ZNF486: variants seen among roughly 807,000 people sequenced by gnomAD.
ZNF486 encodes zinc finger protein 486.
ZNF486 carries 12 observed loss-of-function variants against 12.8 expected under a neutral mutation model. That is an observed-to-expected ratio of 0.94 (90% CI 0.60 to 1.52). The LOEUF (loss-of-function observed/expected upper bound fraction) is 1.52, where lower values mean the gene tolerates loss of function less well. Ranked by LOEUF, ZNF486 falls within the 40% of genes most tolerant of loss-of-function variation. The probability of loss-of-function intolerance (pLI) is 0.00; values close to 1 mark genes in which losing one functional copy is unlikely to be tolerated. For synonymous variants in ZNF486, 231 were observed against 184.9 expected, an observed-to-expected ratio of 1.25 and a Z score of -2.02; for missense variants, 738 against 545.0, an observed-to-expected ratio of 1.35 and a Z score of -3.53.
At chr19:20,189,378 G>A (rs372235808) in intron 3 of ZNF486, among the ~76,000 whole-genome samples, 8 of 152,082 alleles carry the variant, frequency 5.3e-5, no homozygotes, top group East Asian at 1.9e-4. Context: ...CCTGTGTTAC[G>A]TATTTTGTAA....
chr19:20,181,024 T>A (rs1290991230), intron 1 of ZNF486, among the ~76,000 whole-genome samples: 2 of 152,160 alleles, frequency 1.3e-5, no homozygotes, highest in African/African-American at 4.8e-5. Context: ...GAAACAAAAC[T>A]GGAAGTACCC....
intron 1 of ZNF486, among the ~76,000 whole-genome samples, chr19:20,170,057 A>T (rs1187327470): frequency 6.6e-6 from 1 of 150,900 alleles, no homozygotes; most frequent in Non-Finnish European, 1.5e-5. Context: ...CGCCCGGCTA[A>T]TTTTTTTGTA....
Position 20,167,682 on chromosome 19 carries a change from G to A in ZNF486, c.30+322G>A, listed in dbSNP as rs140873457. 8.2e-4 allele frequency among the ~76,000 whole-genome samples: 125 copies of A among 152,248 alleles called. 1 individual carries two copies. In the Middle Eastern group the frequency reaches 0.014, roughly 17 times the overall value. On this transcript the variant is annotated intron_variant, in intron 1 of 3. Transcript: ENST00000335117. ...GGTCATCAGGGGAGAATCTTGACTC[G>A]GGGTGCGGGTTCACGATTCGGAAGA...
chr19:20,191,463 A>C (rs1307988193), intron 3 of ZNF486, among the ~76,000 whole-genome samples: 2 of 98,814 alleles, frequency 2.0e-5, no homozygotes, highest in African/African-American at 6.6e-5. Context: ...AGATTCCTTC[A>C]AAAAAAAAAA....
intron 1 of ZNF486, among the ~76,000 whole-genome samples, chr19:20,168,605 G>T (rs2089611091): frequency 6.6e-6 from 1 of 151,176 alleles, no homozygotes; most frequent in Non-Finnish European, 1.5e-5. Context: ...GGTGAGCCGA[G>T]ATCGTGCCAT....
At chr19:20,195,496 T>C (rs2089949561) in intron 3 of ZNF486, among the ~76,000 whole-genome samples, 1 of 152,228 alleles carries the variant, frequency 6.6e-6, no homozygotes, top group Non-Finnish European at 1.5e-5. Context: ...TTTTAAAAAT[T>C]ACTTTGTATA....
At chr19:20,191,484 A>T (rs1204357254) in intron 3 of ZNF486, among the ~76,000 whole-genome samples, 7 of 142,800 alleles carry the variant, frequency 4.9e-5, no homozygotes, top group Admixed American at 2.2e-4. Context: ...AAAATTATGC[A>T]CTCGGCTGGG....
rs546258647 is a variant in ZNF486 at position 20,169,898 on chromosome 19, T to G, written c.30+2538T>G. Among the ~76,000 whole-genome samples, 4 of 146,650 alleles carry G rather than the reference T, an allele frequency of 2.7e-5. No homozygotes were observed. In the South Asian group the frequency reaches 6.6e-4, roughly 24 times the overall value. ...AAGATGGGGTTGTATGTTTTTTTTT[T>G]TTTTTTTTTTTTGAGACAGTCTCAC... is the stretch of plus-strand genomic sequence containing the variant. On this transcript the variant is annotated intron_variant, in intron 1 of 3. Transcript: ENST00000335117.
At position 20,167,287 on chromosome 19, in the gene ZNF486, C is replaced by A; in HGVS notation, c.-44C>A. ...TCCTCTGCTCCTAGAGGCCCACCCT[C>A]TGTGGCCCTGTGTCCTGTAGGTATT... On this transcript the variant is annotated 5_prime_UTR_variant, in exon 1 of 4. The change creates a new upstream start codon in the 5' untranslated region. Coordinates refer to ENST00000335117, the MANE Select transcript of ZNF486 (RefSeq NM_052852.4). 6.2e-7 allele frequency: 1 copy of A among 1,612,562 alleles called. No homozygotes were observed. Among genetic ancestry groups the A allele is most frequent in the Non-Finnish European group, 8.5e-7 (1 of 1,178,534 alleles).
rs4808233 is a variant in ZNF486 at position 20,193,556 on chromosome 19, G to T, written c.254-3408G>T. 7.9e-5 allele frequency among the ~76,000 whole-genome samples: 12 copies of T among 152,158 alleles called. No homozygotes were observed. In the East Asian group the frequency reaches 2.1e-3, roughly 27 times the overall value. ...GGTGCCTATAATCCCAGCTCCTCAGGAGGCTGAAGCAGGAGAATTGCTTGA... is the reference window on the plus strand; with the variant it reads ...GGTGCCTATAATCCCAGCTCCTCAGTAGGCTGAAGCAGGAGAATTGCTTGA... On this transcript the variant is annotated intron_variant, in intron 3 of 3. Coordinates refer to ENST00000335117, the MANE Select transcript of ZNF486 (RefSeq NM_052852.4).
rs782059843 is a variant in ZNF486, at chr19:20,198,018, TAAAG to T, written c.1311_1314del (p.Lys437AsnfsTer40). 1 of 1,613,274 alleles carries T rather than the reference TAAAG, an allele frequency of 6.2e-7. No individual in the cohort carries two copies. Among genetic ancestry groups the T allele is most frequent in the Non-Finnish European group, 8.5e-7 (1 of 1,179,538 alleles). Reference sequence around the variant, plus strand: ...ATACTGGAGAGAAACCTTACAAATGTAAAGAATGTGGCAAAGCTTTTAACTGGTC... The same window carrying T: ...ATACTGGAGAGAAACCTTACAAATGTAATGTGGCAAAGCTTTTAACTGGTC... On this transcript the variant is annotated frameshift_variant, in exon 4 of 4. Transcript: ENST00000335117. LOFTEE classifies it low-confidence loss of function (END_TRUNC).
Position 20,197,675 on chromosome 19 carries a change from A to G in ZNF486, c.965A>G (p.Tyr322Cys), listed in dbSNP as rs1415731448. The G allele has an allele frequency of 3.1e-6, 5 of 1,613,742 alleles. No individual in the cohort carries two copies. In the Admixed American group the frequency reaches 8.3e-5, roughly 27 times the overall value. The change falls in exon 4 of 4, where the codon TAC becomes TGC. Residue 322 changes from tyrosine (Y) to cysteine (C), a missense_variant. Coordinates refer to ENST00000335117, the MANE Select transcript of ZNF486 (RefSeq NM_052852.4). The stretch of plus-strand genomic sequence containing the variant: ...AAAATTCATACTGGAGAGAAACCGT[A>G]CACGTGTGATAAATGTGGCAAAGCC... ...HKKIHTGEKP[Y>C]TCDKCGKAFI...
At chr19:20,193,583 C>T (rs2122679766) in intron 3 of ZNF486, among the ~76,000 whole-genome samples, 1 of 152,148 alleles carries the variant, frequency 6.6e-6, no homozygotes, top group Non-Finnish European at 1.5e-5. Context: ...ATTGCTTGAA[C>T]CTAGAAGGCG....
Position 20,184,342 on chromosome 19 carries a change from T to G in ZNF486, c.31-14T>G, listed in dbSNP as rs1478629060. ...GCGACTTGGTGAAAATGTGTGTGTG[T>G]GTGTGTTTTTCAGGAATCATTGCAA... On this transcript the variant is annotated splice_polypyrimidine_tract_variant and intron_variant, in intron 1 of 3. Transcript: ENST00000335117. 3.1e-6 allele frequency: 5 copies of G among 1,611,834 alleles called. No homozygotes were observed. The highest frequency in any genetic ancestry group is 4.2e-6 in the Non-Finnish European group (5 of 1,178,732).
intron 3 of ZNF486, among the ~76,000 whole-genome samples, chr19:20,186,548 C>G (rs995545480): frequency 6.6e-6 from 1 of 151,988 alleles, no homozygotes; most frequent in African/African-American, 2.4e-5. Flanking sequence ...ACTATATAGT[C>G]TTGAAATATA....
intron 3 of ZNF486, among the ~76,000 whole-genome samples, chr19:20,195,238 C>T (rs2089946970): frequency 6.6e-6 from 1 of 152,160 alleles, no homozygotes. Flanking sequence ...GTACAATCTC[C>T]ACTCACTGCA....
chr19:20,182,532 A>G (rs551162679), intron 1 of ZNF486, among the ~76,000 whole-genome samples: 1 of 150,706 alleles, frequency 6.6e-6, no homozygotes, highest in Non-Finnish European at 1.5e-5. Flanking sequence ...AAAATACAAT[A>G]CAAAGGAGTT....
intron 1 of ZNF486, among the ~76,000 whole-genome samples, chr19:20,179,081 C>G (rs1204064910): frequency 6.6e-6 from 1 of 152,142 alleles, no homozygotes; most frequent in Non-Finnish European, 1.5e-5. Flanking sequence ...CTAAATAAAG[C>G]AGGTTCTTTT....
chr19:20,184,339 G>T lies in ZNF486; in HGVS notation c.31-17G>T. ...ACGGCGACTTGGTGAAAATGTGTGT[G>T]TGTGTGTGTTTTTCAGGAATCATTG... On this transcript the variant is annotated splice_polypyrimidine_tract_variant and intron_variant, in intron 1 of 3. Transcript: ENST00000335117. 5 of 1,610,020 alleles carry T rather than the reference G, an allele frequency of 3.1e-6. No homozygotes were observed. Among genetic ancestry groups the T allele is most frequent in the South Asian group, 1.1e-5 (1 of 90,934 alleles).
Sources: allele counts gnomAD v4.1 joint callset (sites outside exome capture counted in the v4.1 genomes callset), GRCh38; gene constraint gnomAD v4.1.1; transcripts MANE v1.5; gene names NCBI Gene and HGNC (gene_info 2026-07-23, HGNC 2026-07-21).